PLCL1: variants seen among roughly 807,000 people sequenced by gnomAD.
PLCL1 encodes phospholipase C like 1 (inactive).
Under a neutral mutation model 84.4 loss-of-function variants are expected in PLCL1, and 41 were observed. That is an observed-to-expected ratio of 0.49 (90% CI 0.38 to 0.63). PLCL1 has a LOEUF of 0.63. PLCL1 is among the 30% of genes least tolerant of loss of function. The probability of loss-of-function intolerance (pLI) is 0.00; values close to 1 mark genes in which losing one functional copy is unlikely to be tolerated. For synonymous variants in PLCL1, 490 were observed against 488.3 expected (o/e 1.00, Z -0.05); for missense variants, 1,206 against 1,367.8 (o/e 0.88, Z 1.87).
intron 1 of PLCL1, among the ~76,000 whole-genome samples, chr2:197,923,983 C>G (rs1026967783): frequency 2.0e-5 from 3 of 151,846 alleles, no homozygotes; most frequent in South Asian, 2.1e-4. Flanking sequence ...CAGCGAAACC[C>G]CGTCTCCACC....
chr2:197,905,800 T>A (rs1688370382), intron 1 of PLCL1, among the ~76,000 whole-genome samples: 1 of 152,240 alleles, frequency 6.6e-6, no homozygotes, highest in Admixed American at 6.5e-5. Flanking sequence ...TGGTTTTGAT[T>A]TGCATTTCTC....
At chr2:198,056,275 A>AT (rs1369214417) in intron 1 of PLCL1, among the ~76,000 whole-genome samples, 8 of 152,094 alleles carry the variant, frequency 5.3e-5, no homozygotes, top group Admixed American at 1.3e-4. Context: ...TGGTTTAATA[A>AT]TTTTTTTCTT....
At chr2:198,014,423 G>C (rs1690943809) in intron 1 of PLCL1, among the ~76,000 whole-genome samples, 1 of 152,200 alleles carries the variant, frequency 6.6e-6, no homozygotes, top group Admixed American at 6.5e-5. Flanking sequence ...CATCTGTAAA[G>C]TGAGCACAAT....
Position 198,010,693 on chromosome 2 carries a change from A to AT in PLCL1, c.241-73058dup, listed in dbSNP as rs563819616. Among the ~76,000 whole-genome samples, 38 of 151,644 alleles carry AT rather than the reference A, an allele frequency of 2.5e-4. No homozygotes were observed. In the East Asian group the frequency reaches 6.8e-3, roughly 27 times the overall value. On this transcript the variant is annotated intron_variant, in intron 1 of 5. Coordinates refer to ENST00000428675, the MANE Select transcript of PLCL1 (RefSeq NM_006226.4). ...ATGAGTTTGGAATTGTTCTCTCTTA[A>AT]TTTTTTTGGCAGAATTTGAGGAGGA...
At chr2:198,078,297 C>T (rs572583305) in intron 1 of PLCL1, among the ~76,000 whole-genome samples, 1 of 152,206 alleles carries the variant, frequency 6.6e-6, no homozygotes, top group Non-Finnish European at 1.5e-5. Context: ...TCTCAGTATC[C>T]AAGGTTGGAG....
chr2:198,052,864 C>G (rs1691974444), intron 1 of PLCL1, among the ~76,000 whole-genome samples: 1 of 152,100 alleles, frequency 6.6e-6, no homozygotes, highest in African/African-American at 2.4e-5. Context: ...GGTACCTCCC[C>G]CTTCATTCCT....
At chr2:197,827,120 G>A (rs907747584) in intron 1 of PLCL1, among the ~76,000 whole-genome samples, 1 of 152,136 alleles carries the variant, frequency 6.6e-6, no homozygotes, top group African/African-American at 2.4e-5. Context: ...TCTTTTGCCT[G>A]ATTAATTCTC....
chr2:198,073,016 CAAAT>C (rs1692499685), intron 1 of PLCL1, among the ~76,000 whole-genome samples: 1 of 151,882 alleles, frequency 6.6e-6, no homozygotes, highest in Non-Finnish European at 1.5e-5. Context: ...ATTTTTTTGA[CAAAT>C]AAAAATTATA....
chr2:197,875,427 T>C (rs943180298), intron 1 of PLCL1, among the ~76,000 whole-genome samples: 16 of 151,928 alleles, frequency 1.1e-4, no homozygotes, highest in Non-Finnish European at 1.5e-4. Flanking sequence ...AGGAAGAGGG[T>C]AGTGATTGGG....
At chr2:198,114,781 G>A (rs955829627) in intron 5 of PLCL1, among the ~76,000 whole-genome samples, 2 of 141,080 alleles carry the variant, frequency 1.4e-5, no homozygotes, top group Non-Finnish European at 1.5e-5. Flanking sequence ...AGCAAAATGA[G>A]TTCACTTCTC....
At chr2:197,909,886 T>C (rs1163797372) in intron 1 of PLCL1, among the ~76,000 whole-genome samples, 3 of 151,418 alleles carry the variant, frequency 2.0e-5, no homozygotes, top group Non-Finnish European at 2.9e-5. Flanking sequence ...TGTAGGGAAA[T>C]GGGAAGTGAG....
At chr2:197,914,113 G>C (rs139140725) in intron 1 of PLCL1, among the ~76,000 whole-genome samples, 2 of 152,106 alleles carry the variant, frequency 1.3e-5, no homozygotes, top group South Asian at 4.1e-4. Flanking sequence ...CTGATTAAAT[G>C]TTAGCTAACC....
chr2:197,865,426 AAAT>A (rs1687510586), intron 1 of PLCL1, among the ~76,000 whole-genome samples: 1 of 152,174 alleles, frequency 6.6e-6, no homozygotes, highest in African/African-American at 2.4e-5. Flanking sequence ...GAAATTTGGA[AAAT>A]ATTGAGAAGT....
chr2:197,876,782 A>T (rs1687741412), intron 1 of PLCL1, among the ~76,000 whole-genome samples: 1 of 152,174 alleles, frequency 6.6e-6, no homozygotes, highest in Non-Finnish European at 1.5e-5. Flanking sequence ...TTCTAACATC[A>T]TCAAGTCTTG....
At chr2:198,080,861 A>T (rs945825403) in intron 1 of PLCL1, among the ~76,000 whole-genome samples, 4 of 152,168 alleles carry the variant, frequency 2.6e-5, no homozygotes, top group African/African-American at 9.7e-5. Context: ...TTTTATAATC[A>T]TGTAGGAATT....
chr2:197,846,844 G>A (rs1343338483), intron 1 of PLCL1, among the ~76,000 whole-genome samples: 1 of 152,120 alleles, frequency 6.6e-6, no homozygotes, highest in Non-Finnish European at 1.5e-5. Context: ...ATGGATGATA[G>A]ATCCTCAGGG....
chr2:197,848,607 A>G (rs1019938954), intron 1 of PLCL1, among the ~76,000 whole-genome samples: 1 of 152,240 alleles, frequency 6.6e-6, no homozygotes, highest in African/African-American at 2.4e-5. Context: ...AAGGAGTCAA[A>G]AAATAAACAA....
Position 197,844,884 on chromosome 2 carries a change from T to G in PLCL1, c.240+39545T>G, listed in dbSNP as rs150981229. Among the ~76,000 whole-genome samples the G allele has an allele frequency of 1.8e-3, 281 of 152,238 alleles. 1 individual carries two copies. The highest frequency in any genetic ancestry group is 6.1e-3 in the African/African-American group (253 of 41,542). ...CATCTCGATTTCCCTAGGAAGTCAT[T>G]TAGACATTATAAATGATGGTTTATT... On this transcript the variant is annotated intron_variant, in intron 1 of 5. Transcript: ENST00000428675.
Position 198,149,664 on chromosome 2 carries a change from C to A in PLCL1, c.*2702C>A, listed in dbSNP as rs544790821. Reference sequence around the variant, plus strand: ...TACAAAAATAGAGAACTATATACAACAGAAAAGCAAAATTACCCACTAATA... The same window carrying A: ...TACAAAAATAGAGAACTATATACAAAAGAAAAGCAAAATTACCCACTAATA... On this transcript the variant is annotated 3_prime_UTR_variant, in exon 6 of 6. Transcript: ENST00000428675. The A allele has an allele frequency of 1.6e-4, 25 of 152,084 alleles. No homozygotes were observed. In the East Asian group the frequency reaches 4.8e-3, roughly 29 times the overall value. 9.4% of individuals were successfully genotyped at this position (152,084 alleles called of 1,614,324 possible). A position where few individuals can be genotyped will look rare whatever the true frequency, so the allele number is the denominator to read the frequency against.
Sources: allele counts gnomAD v4.1 joint callset (sites outside exome capture counted in the v4.1 genomes callset), GRCh38; gene constraint gnomAD v4.1.1; transcripts MANE v1.5; gene names NCBI Gene and HGNC (gene_info 2026-07-23, HGNC 2026-07-21).